ERC2: variants seen among roughly 807,000 people sequenced by gnomAD.
ERC2 encodes ERC protein 2.
Under a neutral mutation model 114.8 loss-of-function variants are expected in ERC2, and 42 were observed. The ratio of observed to expected loss-of-function variants is 0.37; its 90% CI spans 0.29 to 0.47. ERC2 has a LOEUF of 0.47. Ranked by LOEUF, ERC2 falls within the 20% of genes least tolerant of loss-of-function variation. ERC2 has a pLI of 0.99. For missense variants in ERC2, 939 were observed against 1,150.7 expected (o/e 0.82, Z 2.66); for synonymous variants, 454 against 425.5 (o/e 1.07, Z -0.82).
intron 2 of ERC2, chr3:56,434,130 C>A: frequency 2.9e-5 from 14 of 487,124 alleles, no homozygotes; most frequent in Middle Eastern, 5.6e-4. Context: ...CTCTCCCCAT[C>A]TGCAACCATG....
intron 13 of ERC2, among the ~76,000 whole-genome samples, chr3:55,913,088 C>A (rs1396377660): frequency 6.6e-6 from 1 of 152,128 alleles, no homozygotes; most frequent in African/African-American, 2.4e-5. Flanking sequence ...TGGGCTCAAG[C>A]AATCCTCCCA....
rs143026552 is a variant in ERC2 at position 55,700,493 on chromosome 3, C to T, written c.2713-981G>A. On this transcript the variant is annotated intron_variant, in intron 15 of 17. Coordinates refer to ENST00000288221, the MANE Select transcript of ERC2 (RefSeq NM_015576.3). ...ATAGTGCCTCTTTCCTCGGGGTTGCCGCTAGGAGCGAATGATACGATGGAC... is the reference window on the plus strand; with the variant it reads ...ATAGTGCCTCTTTCCTCGGGGTTGCTGCTAGGAGCGAATGATACGATGGAC... Among the ~76,000 whole-genome samples, 81 of 152,300 alleles carry T rather than the reference C, an allele frequency of 5.3e-4. 1 individual carries two copies. The highest frequency in any genetic ancestry group is 1.0e-3 in the South Asian group (5 of 4,824).
chr3:55,803,199 ACTATT>A (rs2059369877), intron 14 of ERC2, among the ~76,000 whole-genome samples: 1 of 152,196 alleles, frequency 6.6e-6, no homozygotes, highest in African/African-American at 2.4e-5. Context: ...TTAACTTCCT[ACTATT>A]CTAAACTGAA....
chr3:55,827,424 AAGAG>A (rs1459289038), intron 14 of ERC2, among the ~76,000 whole-genome samples: 8 of 151,458 alleles, frequency 5.3e-5, no homozygotes, highest in African/African-American at 1.7e-4. Flanking sequence ...GAGGGAAGAA[AAGAG>A]AGGGAGGGAG....
At chr3:55,582,503 T>C (rs1416242116) in intron 17 of ERC2, among the ~76,000 whole-genome samples, 2 of 152,258 alleles carry the variant, frequency 1.3e-5, no homozygotes, top group Non-Finnish European at 2.9e-5. Context: ...TGGCTATCAA[T>C]ATTTTGAAGT....
intron 7 of ERC2, among the ~76,000 whole-genome samples, chr3:56,039,146 T>G (rs989145879): frequency 6.6e-6 from 1 of 152,096 alleles, no homozygotes; most frequent in African/African-American, 2.4e-5. Flanking sequence ...TTGATAGGTG[T>G]AGCAAACTAC....
intron 17 of ERC2, among the ~76,000 whole-genome samples, chr3:55,597,276 C>T (rs563464199): frequency 2.4e-4 from 37 of 152,028 alleles, no homozygotes; most frequent in East Asian, 7.8e-4. Flanking sequence ...AAAAATTAGC[C>T]GGGTGTGGTG....
At chr3:56,146,593 A>G (rs1287573192) in intron 5 of ERC2, among the ~76,000 whole-genome samples, 1 of 152,206 alleles carries the variant, frequency 6.6e-6, no homozygotes. Flanking sequence ...AATAATGTTT[A>G]TCATTATAAG....
At chr3:56,299,602 GTAT>G (rs2055726149) in intron 2 of ERC2, among the ~76,000 whole-genome samples, 1 of 151,518 alleles carries the variant, frequency 6.6e-6, no homozygotes, top group South Asian at 2.1e-4. Context: ...GCTAATTTTT[GTAT>G]TTTTTGTAGA....
At chr3:55,812,759 A>G (rs1176329738) in intron 14 of ERC2, among the ~76,000 whole-genome samples, 1 of 152,262 alleles carries the variant, frequency 6.6e-6, no homozygotes, top group East Asian at 1.9e-4. Flanking sequence ...GGCACACAAT[A>G]GGAGAGGGGG....
chr3:56,413,013 C>T (rs965821750), intron 2 of ERC2, among the ~76,000 whole-genome samples: 1 of 152,336 alleles, frequency 6.6e-6, no homozygotes. Context: ...CTATCACCCT[C>T]AACTTACACC....
At chr3:55,762,490 C>T (rs746095061) in intron 14 of ERC2, among the ~76,000 whole-genome samples, 3 of 152,178 alleles carry the variant, frequency 2.0e-5, no homozygotes, top group Non-Finnish European at 4.4e-5. Context: ...GACTTTGTGC[C>T]TGCCTTCAAG....
chr3:55,685,937 T>C (rs2062307270), intron 16 of ERC2, among the ~76,000 whole-genome samples: 1 of 152,238 alleles, frequency 6.6e-6, no homozygotes, highest in Admixed American at 6.5e-5. Context: ...GTTTTAATTT[T>C]TAAAAGAGAA....
chr3:55,517,318 G>A (rs2052586481), intron 17 of ERC2, among the ~76,000 whole-genome samples: 2 of 151,746 alleles, frequency 1.3e-5, no homozygotes, highest in East Asian at 1.9e-4. Flanking sequence ...GCGGGCACCT[G>A]TAATCCCAGC....
intron 3 of ERC2, among the ~76,000 whole-genome samples, chr3:56,271,643 G>A (rs866736034): frequency 2.6e-5 from 4 of 152,144 alleles, no homozygotes; most frequent in African/African-American, 9.7e-5. Flanking sequence ...GGGTACATGT[G>A]CAAGGTTATT....
At chr3:56,429,985 T>C (rs1220681836) in intron 2 of ERC2, among the ~76,000 whole-genome samples, 11 of 152,278 alleles carry the variant, frequency 7.2e-5, no homozygotes, top group South Asian at 2.1e-4. Flanking sequence ...CAACGCTGCA[T>C]ATAAGAAGGA....
intron 14 of ERC2, among the ~76,000 whole-genome samples, chr3:55,758,909 T>C (rs1037626699): frequency 6.6e-6 from 1 of 152,212 alleles, no homozygotes; most frequent in African/African-American, 2.4e-5. Flanking sequence ...ATTTTGGGAA[T>C]TCAAAACACT....
chr3:55,630,134 T>C (rs2059687049), intron 17 of ERC2, among the ~76,000 whole-genome samples: 1 of 152,220 alleles, frequency 6.6e-6, no homozygotes, highest in African/African-American at 2.4e-5. Context: ...GCTACTCTCC[T>C]AAAGCATACT....
rs138441439 is a variant in ERC2 at position 56,316,122 on chromosome 3, C to T, written c.658-19687G>A. 2.9e-3 allele frequency among the ~76,000 whole-genome samples: 443 copies of T among 151,976 alleles called. 4 individuals carry two copies. The highest frequency in any genetic ancestry group is 0.01 in the African/African-American group (429 of 41,452). ...ACTCTATTTAAGATGCATGACTGTC[C>T]CTCTCTTCTTTGTTTGGGTCCTTAG... On this transcript the variant is annotated intron_variant, in intron 2 of 17. Coordinates refer to ENST00000288221, the MANE Select transcript of ERC2 (RefSeq NM_015576.3).
Sources: gnomAD v4.1 joint callset for allele counts (sites outside exome capture counted in the v4.1 genomes callset) on GRCh38, gnomAD v4.1.1 for gene constraint, MANE v1.5 for transcripts, NCBI Gene and HGNC (gene_info 2026-07-23, HGNC 2026-07-21) for gene names.